Variants in CSNK1G1 observed in about 807,000 individuals in gnomAD.
CSNK1G1 encodes the protein casein kinase 1 gamma 1.
In CSNK1G1, 22 loss-of-function variants were observed where a neutral mutation model predicts 59.6. The ratio of observed to expected loss-of-function variants is 0.37; its 90% confidence interval spans 0.26 to 0.53. The LOEUF (loss-of-function observed/expected upper bound fraction) is 0.53, where lower values mean the gene tolerates loss of function less well. CSNK1G1 is among the 20% of genes least tolerant of loss of function. CSNK1G1 has a pLI of 0.89. For missense variants in CSNK1G1, 384 were observed against 519.5 expected (o/e 0.74, Z 2.54); for synonymous variants, 179 against 177.1 (o/e 1.01, Z -0.08).
chr15:64,306,289 C>G (rs971818555), intron 1 of CSNK1G1, among the ~76,000 whole-genome samples: 1 of 152,144 alleles, frequency 6.6e-6, no homozygotes, highest in Admixed American at 6.5e-5. Context: ...TCTTAAAACT[C>G]AACAATCAGA....
Position 64,170,554 on chromosome 15 carries a change from T to C in CSNK1G1, c.*1377A>G, listed in dbSNP as rs1057284750. 2 of 152,658 alleles carry C rather than the reference T, an allele frequency of 1.3e-5. No individual in the cohort carries two copies. Among genetic ancestry groups the C allele is most frequent in the Non-Finnish European group, 1.5e-5 (1 of 68,056 alleles). The allele number at this position is 152,658 out of a possible 1,614,324, so 9.5% of individuals were successfully genotyped here. On this transcript the variant is annotated 3_prime_UTR_variant, in exon 12 of 12. Transcript: ENST00000303052. Reference sequence around the variant, plus strand: ...CAGCCCAAATGCTACAGCTCAGCTATTGGGGCAGATAGGATACACCGATTT... The same window carrying C: ...CAGCCCAAATGCTACAGCTCAGCTACTGGGGCAGATAGGATACACCGATTT...
intron 1 of CSNK1G1, among the ~76,000 whole-genome samples, chr15:64,351,810 C>T (rs1162402293): frequency 3.3e-5 from 5 of 152,074 alleles, no homozygotes; most frequent in African/African-American, 1.2e-4. Context: ...ACCTGAGGGG[C>T]AGAGGCTGCA....
At chr15:64,313,606 G>T (rs576817738) in intron 1 of CSNK1G1, among the ~76,000 whole-genome samples, 2 of 151,916 alleles carry the variant, frequency 1.3e-5, no homozygotes, top group East Asian at 3.9e-4. Context: ...GTTGGGGGGT[G>T]TGGGGCTAGG....
intron 4 of CSNK1G1, among the ~76,000 whole-genome samples, chr15:64,230,645 T>C (rs1307405531): frequency 6.6e-6 from 1 of 152,122 alleles, no homozygotes; most frequent in East Asian, 1.9e-4. Context: ...ACAGTCCCCA[T>C]TACTTGAGTA....
intron 1 of CSNK1G1, among the ~76,000 whole-genome samples, chr15:64,343,921 A>G (rs1016411631): frequency 2.0e-5 from 3 of 151,928 alleles, no homozygotes; most frequent in African/African-American, 7.2e-5. Flanking sequence ...TATTTTGACA[A>G]AGCCTTAAAA....
At chr15:64,187,226 G>C (rs190377411) in intron 10 of CSNK1G1, among the ~76,000 whole-genome samples, 33 of 148,970 alleles carry the variant, frequency 2.2e-4, no homozygotes, top group South Asian at 1.3e-3. Context: ...GCCTCATTCT[G>C]TCACCCAGGC....
intron 10 of CSNK1G1, among the ~76,000 whole-genome samples, chr15:64,191,210 C>G (rs551112028): frequency 6.6e-6 from 1 of 152,076 alleles, no homozygotes; most frequent in Non-Finnish European, 1.5e-5. Flanking sequence ...TACGGACGCG[C>G]GCCACCAGGT....
chr15:64,350,030 C>G (rs1371565411), intron 1 of CSNK1G1, among the ~76,000 whole-genome samples: 1 of 151,944 alleles, frequency 6.6e-6, no homozygotes, highest in Admixed American at 6.6e-5. Flanking sequence ...ATAAAATCCA[C>G]TACTGAAAGA....
At chr15:64,300,848 T>G in intron 1 of CSNK1G1, 125 bp from the exon 2 acceptor site, 1 of 521,960 alleles carries the variant, frequency 1.9e-6, no homozygotes, top group Non-Finnish European at 3.0e-6. Flanking sequence ...GAAATGGGTT[T>G]TGGTTTTCTA....
intron 4 of CSNK1G1, among the ~76,000 whole-genome samples, chr15:64,231,493 T>A (rs994697088): frequency 6.6e-6 from 1 of 150,874 alleles, no homozygotes; most frequent in African/African-American, 2.4e-5. Context: ...GCCTATCTTG[T>A]TCACTACTGT....
intron 11 of CSNK1G1, 164 bp downstream of exon 11, chr15:64,180,184 A>G (rs2081793356): frequency 3.9e-5 from 23 of 583,356 alleles, no homozygotes; most frequent in Non-Finnish European, 3.1e-6. Flanking sequence ...AAAGAAGGGC[A>G]GTAGCAGCCT....
At chr15:64,343,820 T>C (rs561390104) in intron 1 of CSNK1G1, among the ~76,000 whole-genome samples, 22 of 151,416 alleles carry the variant, frequency 1.5e-4, no homozygotes, top group Admixed American at 3.3e-4. Flanking sequence ...AGCTCTAGTA[T>C]GGTGATGAAT....
intron 2 of CSNK1G1, among the ~76,000 whole-genome samples, chr15:64,292,495 T>C (rs1894797601): frequency 6.6e-6 from 1 of 152,234 alleles, no homozygotes; most frequent in Non-Finnish European, 1.5e-5. Flanking sequence ...CTCCATTTTG[T>C]TGTATGCAAG....
chr15:64,196,794 G>GT (rs538457259), intron 10 of CSNK1G1, among the ~76,000 whole-genome samples: 89 of 144,310 alleles, frequency 6.2e-4, no homozygotes, highest in East Asian at 3.2e-3. Context: ...CTCTGTGTGT[G>GT]TTTTTTTTTT....
intron 10 of CSNK1G1, among the ~76,000 whole-genome samples, chr15:64,196,612 G>A (rs147917590): frequency 1.6e-4 from 24 of 151,736 alleles, no homozygotes; most frequent in South Asian, 6.2e-4. Flanking sequence ...CCACCATGCC[G>A]GGCTAATTTT....
At chr15:64,323,171 C>G (rs1896655734) in intron 1 of CSNK1G1, among the ~76,000 whole-genome samples, 1 of 152,122 alleles carries the variant, frequency 6.6e-6, no homozygotes, top group African/African-American at 2.4e-5. Context: ...AAGTGATCCT[C>G]CTGCCTTGGC....
chr15:64,349,349 G>A (rs1006112525), intron 1 of CSNK1G1, among the ~76,000 whole-genome samples: 2 of 152,024 alleles, frequency 1.3e-5, no homozygotes, highest in Admixed American at 1.3e-4. Context: ...TTCGTGGCAA[G>A]GGCAATGGCT....
chr15:64,354,303 T>TCAAAAAAA (rs1555406037), intron 1 of CSNK1G1, among the ~76,000 whole-genome samples: 1 of 152,138 alleles, frequency 6.6e-6, no homozygotes, highest in African/African-American at 2.4e-5. Context: ...AGACTCTGTC[T>TCAAAAAAA]CAAACAAACA....
intron 1 of CSNK1G1, among the ~76,000 whole-genome samples, chr15:64,319,083 C>T (rs2140435738): frequency 6.6e-6 from 1 of 151,574 alleles, no homozygotes; most frequent in Admixed American, 6.6e-5. Flanking sequence ...AACTCCTGGG[C>T]TCAAAGTGAT....
Sources: allele counts gnomAD v4.1 joint callset (sites outside exome capture counted in the v4.1 genomes callset), GRCh38; gene constraint gnomAD v4.1.1; transcripts MANE v1.5; gene names NCBI Gene and HGNC (gene_info 2026-07-23, HGNC 2026-07-21).